The following TPRN variants were observed in gnomAD, a reference collection of about 807,000 sequenced individuals.
TPRN encodes the protein taperin, also known as chromosome 9 open reading frame 75.
In TPRN, 32 loss-of-function variants were observed where a neutral mutation model predicts 42.6. The observed-to-expected ratio is 0.75, with a 90% confidence interval of 0.57 to 1.01. The LOEUF (loss-of-function observed/expected upper bound fraction) is 1.01. Among genes scored for constraint, TPRN ranks in the 50% least tolerant of loss-of-function variants. The pLI, the probability that TPRN is intolerant of heterozygous loss-of-function variation, is 0.00. For synonymous variants in TPRN, 541 were observed against 445.6 expected, an observed-to-expected ratio of 1.21 and a Z score of -2.70; for missense variants, 1,095 against 957.5, an observed-to-expected ratio of 1.14 and a Z score of -1.90.
rs904429045 is a variant in TPRN, at chr9:137,199,808, C to T, written c.904G>A (p.Ala302Thr). Residue 302 changes from alanine to threonine, a missense_variant, in exon 1 of 4, where the codon GCC becomes ACC. Coordinates refer to ENST00000409012, the MANE Select transcript of TPRN (RefSeq NM_001128228.3). ...STNDSFEIRP[A>T]PKPVMETIPL... The stretch of plus-strand genomic sequence containing the variant: ...ATGGTCTCCATAACTGGCTTGGGGG[C>T]CGGCCGTATCTCGAAGGAGTCGTTG... 6.3e-7 allele frequency: 1 copy of T among 1,596,562 alleles called. No homozygotes were observed. Among genetic ancestry groups the T allele is most frequent in the East Asian group, 2.3e-5 (1 of 44,178 alleles).
In TPRN at chr9:137,200,541, G is replaced by A. The variant is rs982728776; in HGVS notation, c.171C>T (p.Arg57=). Residue 57 remains arginine, a synonymous_variant, in exon 1 of 4, where the codon CGC becomes CGT. Transcript: ENST00000409012. The surrounding 1 kb of genome is among the most constrained non-coding windows in gnomAD (Gnocchi z 4.3). ...RVLAESLGPL[R]ENPFMLLEAE... ...CCTCCAGCAGCATGAACGGGTTCTC[G>A]CGCAGCGGGCCCAGGCTCTCGGCCA... is the stretch of plus-strand genomic sequence containing the variant. 3.4e-6 allele frequency: 4 copies of A among 1,166,756 alleles called. No homozygotes were observed. In the Admixed American group the frequency reaches 1.4e-4, roughly 41 times the overall value. The allele number at this position is 1,166,756 out of a possible 1,614,324, so 72.3% of individuals were successfully genotyped here.
intron 1 of TPRN, 74 bp from the exon 2 acceptor site, chr9:137,192,765 C>A (rs1034814429): frequency 5.2e-6 from 8 of 1,553,238 alleles, no homozygotes; most frequent in South Asian, 2.2e-5. Flanking sequence ...TCAGGTTCAG[C>A]CCTCAGGATG....
intron 1 of TPRN, chr9:137,193,161 C>T (rs941216535): frequency 5.4e-6 from 1 of 184,740 alleles, no homozygotes; most frequent in African/African-American, 2.4e-5. Context: ...CTGCTGGTGT[C>T]TGGGGCCTCT....
chr9:137,192,888 G>A, intron 1 of TPRN, 197 bp from the exon 2 acceptor site: 1 of 616,118 alleles, frequency 1.6e-6, no homozygotes, highest in Non-Finnish European at 2.8e-6. Flanking sequence ...CACCCTGGGG[G>A]TCAACCTCCC....
Position 137,199,687 on chromosome 9 carries a change from G to A in TPRN, c.1025C>T (p.Ala342Val). ...MVIPKSKASG[A>V]PPPEGRQSVE... ...GGACTGCCTCCCCTCAGGAGGAGGAGCCCCGGAGGCCTTGCTCTTGGGGAT... is the reference window on the plus strand; with the variant it reads ...GGACTGCCTCCCCTCAGGAGGAGGAACCCCGGAGGCCTTGCTCTTGGGGAT... The change falls in exon 1 of 4, where the codon GCT becomes GTT. Residue 342 changes from alanine (A) to valine (V), a missense_variant. Transcript: ENST00000409012. The A allele has an allele frequency of 1.2e-6, 2 of 1,605,478 alleles. No homozygotes were observed. Among genetic ancestry groups the A allele is most frequent in the African/African-American group, 1.3e-5 (1 of 74,970 alleles).
In TPRN at chr9:137,200,111, C is replaced by T. The variant is rs761448392; in HGVS notation, c.601G>A (p.Gly201Ser). Residue 201 changes from glycine to serine, a missense_variant, in exon 1 of 4, where the codon GGC (glycine) becomes AGC (serine). Gly to Ser is a moderately conservative substitution (Grantham distance 56). Coordinates refer to ENST00000409012, the MANE Select transcript of TPRN (RefSeq NM_001128228.3). This position sits in a 1 kb window ranked among gnomAD's most constrained non-coding sequence, Gnocchi z 4.3. ...GGGTGGACGGTGAAGGAGTTGCTGCCGGTCTTCTGGAGGAAGTCGCTGCGC... is the reference window on the plus strand; with the variant it reads ...GGGTGGACGGTGAAGGAGTTGCTGCTGGTCTTCTGGAGGAAGTCGCTGCGC... ...ARRSDFLQKT[G>S]SNSFTVHPRG... The T allele has an allele frequency of 7.7e-7, 1 of 1,293,554 alleles. No homozygotes were observed. The highest frequency in any genetic ancestry group is 2.5e-5 in the South Asian group (1 of 39,760). The allele number at this position is 1,293,554 out of a possible 1,614,324, so 80.1% of individuals were successfully genotyped here.
rs754397078 is a variant in TPRN, at chr9:137,192,598, C to G, written c.1819G>C (p.Glu607Gln). The G allele has an allele frequency of 4.3e-6, 7 of 1,613,192 alleles. No individual in the cohort carries two copies. Among genetic ancestry groups the G allele is most frequent in the Admixed American group, 1.7e-5 (1 of 59,948 alleles). ...LEQEEEVDQQ[E>Q]EEEEEEEEEE... ...TCCTCCTCCTCCTCCTCCTCCTCCT[C>G]CTGCTGGTCCACCTCTTCCTCCTGC... is the stretch of plus-strand genomic sequence containing the variant. The change falls in exon 2 of 4, where the codon GAG becomes CAG. Residue 607 changes from glutamate (E) to glutamine (Q), a missense_variant. Coordinates refer to ENST00000409012, the MANE Select transcript of TPRN (RefSeq NM_001128228.3).
chr9:137,199,604 G>A lies in TPRN; in HGVS notation c.1108C>T (p.Gln370Ter). 6.4e-7 allele frequency: 1 copy of A among 1,557,300 alleles called. No individual in the cohort carries two copies. The highest frequency in any genetic ancestry group is 8.7e-7 in the Non-Finnish European group (1 of 1,150,964). ...PASPSQELGS[Q>*]PVPGGDGAPA... ...GCACCATCCCCTCCAGGCACCGGCT[G>A]GGATCCGAGCTCCTGGCTCGGGGAG... The change falls in exon 1 of 4, where the codon CAG becomes TAG. Residue 370 changes from glutamine (Q) to a stop codon, truncating the protein, a stop_gained. Transcript: ENST00000409012. LOFTEE classifies it high-confidence loss of function.
At chr9:137,196,260 C>A (rs1022728500) in intron 1 of TPRN, among the ~76,000 whole-genome samples, 5 of 152,236 alleles carry the variant, frequency 3.3e-5, no homozygotes, top group Non-Finnish European at 7.3e-5. Context: ...CTGCACTCCA[C>A]CCCCACGCCC....
Position 137,199,153 on chromosome 9 carries a change from G to A in TPRN, c.1559C>T (p.Ala520Val). Residue 520 changes from alanine (A) to valine (V), a missense_variant, in exon 1 of 4, where the codon GCC (alanine) becomes GTC (valine). Ala to Val is a moderately conservative substitution (Grantham distance 64). Coordinates refer to ENST00000409012, the MANE Select transcript of TPRN (RefSeq NM_001128228.3). ...GTLQDQHFSQ[A>V]NREPRPREAE... ...CTCCCGTGGCCGAGGCTCCCTGTTG[G>A]CCTGACTGAAGTGCTGGTCCTGCAG... is the stretch of plus-strand genomic sequence containing the variant. The A allele has an allele frequency of 6.2e-7, 1 of 1,613,240 alleles. No homozygotes were observed.
Position 137,200,043 on chromosome 9 carries a change from G to T in TPRN, c.669C>A (p.Asn223Lys). 1.4e-6 allele frequency: 2 copies of T among 1,437,650 alleles called. No individual in the cohort carries two copies. The highest frequency in any genetic ancestry group is 9.1e-7 in the Non-Finnish European group (1 of 1,102,380). The allele number at this position is 1,437,650 out of a possible 1,614,324, so 89.1% of individuals were successfully genotyped here. Residue 223 changes from asparagine to lysine, a missense_variant, in exon 1 of 4, where the codon AAC becomes AAA. Asn to Lys is a moderately conservative substitution (Grantham distance 94). Transcript: ENST00000409012. The surrounding 1 kb of genome is among the most constrained non-coding windows in gnomAD (Gnocchi z 4.3). ...CCCGGGGCTCAGGGGCCGAGTGCCC[G>T]TTGGAGAGCAGGCGGGCGCCCGCGC... is the stretch of plus-strand genomic sequence containing the variant. ...HRGAGARLLS[N>K]GHSAPEPRAG... is the part of the protein sequence containing the mutation.
rs747781927 is a variant in TPRN, at chr9:137,192,179, AAGTG to A, written c.2074-9_2074-6del. On this transcript the variant is annotated splice_region_variant and splice_polypyrimidine_tract_variant and intron_variant, in intron 3 of 3. Transcript: ENST00000409012. Reference sequence around the variant, plus strand: ...ATTCTGACTGGCGGGTGTGAGCTGAAAGTGAGAGGACAGAATGTGGACACATGGG... The same window carrying A: ...ATTCTGACTGGCGGGTGTGAGCTGAAAGAGGACAGAATGTGGACACATGGG... 3 of 1,613,330 alleles carry A rather than the reference AAGTG, an allele frequency of 1.9e-6. No individual in the cohort carries two copies. Among genetic ancestry groups the A allele is most frequent in the East Asian group, 2.2e-5 (1 of 44,886 alleles).
chr9:137,198,560 C>T (rs550172439), intron 1 of TPRN, among the ~76,000 whole-genome samples: 14 of 152,386 alleles, frequency 9.2e-5, no homozygotes, highest in Non-Finnish European at 1.5e-4. Flanking sequence ...CATAGCGTGG[C>T]GCCTGGCGCC....
In TPRN at chr9:137,200,325, C is replaced by G. The variant is rs1326943603; in HGVS notation, c.387G>C (p.Pro129=). The G allele has an allele frequency of 1.8e-5, 18 of 1,008,268 alleles. No individual in the cohort carries two copies. Among genetic ancestry groups the G allele is most frequent in the Non-Finnish European group, 2.0e-5 (17 of 848,844 alleles). The allele number at this position is 1,008,268 out of a possible 1,614,324, so 62.5% of individuals were successfully genotyped here. ...CCAGTAGGCGGCTGACGCGGCCGGG[C>G]GGCGCCCCGTACACCAGCACCTCGG... ...RAAEVLVYGA[P]PGRVSRLLER... is the part of the protein sequence containing the mutation. Residue 129 remains proline (P), a synonymous_variant, in exon 1 of 4, where the codon CCG becomes CCC. Coordinates refer to ENST00000409012, the MANE Select transcript of TPRN (RefSeq NM_001128228.3). This position sits in a 1 kb window ranked among gnomAD's most constrained non-coding sequence, Gnocchi z 4.3.
In TPRN at chr9:137,191,887, C is replaced by T. The variant is rs530425334; in HGVS notation, c.*225G>A. ...CCCTGGCACTCACCCACAGGCAGTT[C>T]CCCACCCCACTTCCCCCTTGGACCC... On this transcript the variant is annotated 3_prime_UTR_variant, in exon 4 of 4. Transcript: ENST00000409012. The T allele has an allele frequency of 1.8e-5, 11 of 625,406 alleles. No homozygotes were observed. In the South Asian group the frequency reaches 2.0e-4, roughly 11 times the overall value. 38.7% of individuals were successfully genotyped at this position (625,406 alleles called of 1,614,324 possible). A position where few individuals can be genotyped will look rare whatever the true frequency, so the allele number is the denominator to read the frequency against.
In TPRN at chr9:137,200,485, C is replaced by T. The variant is rs1279599365; in HGVS notation, c.227G>A (p.Gly76Glu). Residue 76 changes from glycine (G) to glutamate (E), a missense_variant, in exon 1 of 4, where the codon GGG becomes GAG. Transcript: ENST00000409012. The surrounding 1 kb of genome is among the most constrained non-coding windows in gnomAD (Gnocchi z 4.3). The stretch of plus-strand genomic sequence containing the variant: ...GCGGTACCGCTCCAGCAGCCGCGCC[C>T]CCGCCGCGCCCCCGCCGCGCCGCCG... ...AERRRGGGAA[G>E]ARLLERYRRV... The T allele has an allele frequency of 8.9e-7, 1 of 1,128,804 alleles. No individual in the cohort carries two copies. 69.9% of individuals were successfully genotyped at this position (1,128,804 alleles called of 1,614,324 possible). A position where few individuals can be genotyped will look rare whatever the true frequency, so the allele number is the denominator to read the frequency against.
intron 1 of TPRN, among the ~76,000 whole-genome samples, chr9:137,198,463 C>T (rs1471387767): frequency 6.6e-6 from 1 of 152,214 alleles, no homozygotes; most frequent in African/African-American, 2.4e-5. Flanking sequence ...AGCTGATGGC[C>T]CTCTCCCAAC....
chr9:137,198,924 C>G, intron 1 of TPRN, 63 bp downstream of exon 1: 1 of 1,608,382 alleles, frequency 6.2e-7, no homozygotes, highest in Non-Finnish European at 8.5e-7. Flanking sequence ...AGGTGCTGCC[C>G]CCACAGTTCT....
In TPRN at chr9:137,200,043, G is replaced by C. The variant is rs1040744873; in HGVS notation, c.669C>G (p.Asn223Lys). ...HRGAGARLLS[N>K]GHSAPEPRAG... is the part of the protein sequence containing the mutation. ...CCCGGGGCTCAGGGGCCGAGTGCCCGTTGGAGAGCAGGCGGGCGCCCGCGC... is the reference window on the plus strand; with the variant it reads ...CCCGGGGCTCAGGGGCCGAGTGCCCCTTGGAGAGCAGGCGGGCGCCCGCGC... The change falls in exon 1 of 4, where the codon AAC becomes AAG. Residue 223 changes from asparagine to lysine, a missense_variant. Asn to Lys is a moderately conservative substitution (Grantham distance 94). Transcript: ENST00000409012. The surrounding 1 kb of genome is among the most constrained non-coding windows in gnomAD (Gnocchi z 4.3). The C allele has an allele frequency of 1.3e-5, 18 of 1,437,650 alleles. No individual in the cohort carries two copies. The highest frequency in any genetic ancestry group is 1.6e-5 in the Non-Finnish European group (18 of 1,102,380). 89.1% of individuals were successfully genotyped at this position (1,437,650 alleles called of 1,614,324 possible).
Sources: allele counts gnomAD v4.1 joint callset (sites outside exome capture counted in the v4.1 genomes callset), GRCh38; gene constraint gnomAD v4.1.1; non-coding constraint Gnocchi (gnomAD v3.1); transcripts MANE v1.5; gene names NCBI Gene and HGNC (gene_info 2026-07-23, HGNC 2026-07-21).